Variants in RANBP2 observed in about 807,000 individuals in gnomAD.
RANBP2 encodes the protein RAN binding protein 2.
Under a neutral mutation model 303.6 loss-of-function variants are expected in RANBP2, and 57 were observed. The ratio of observed to expected loss-of-function variants is 0.19; its 90% confidence interval spans 0.15 to 0.23. The LOEUF (loss-of-function observed/expected upper bound fraction) is 0.23, where lower values mean the gene tolerates loss of function less well. RANBP2 is among the 10% of genes least tolerant of loss of function. The pLI, the probability that RANBP2 is intolerant of heterozygous loss-of-function variation, is 1.00. For synonymous variants in RANBP2, 1,167 were observed against 1,301.5 expected (o/e 0.90, Z 2.23); for missense variants, 3,138 against 3,780.8 (o/e 0.83, Z 4.46).
chr2:109,431,511 A>T, the RANBP2 span, among the ~76,000 whole-genome samples: 2 of 152,222 alleles, frequency 1.3e-5, no homozygotes, highest in African/African-American at 4.8e-5. Context: ...AGCTTGGCCC[A>T]TGGGCTGAGT....
chr2:109,434,434 T>A, the RANBP2 span, among the ~76,000 whole-genome samples: 1 of 152,196 alleles, frequency 6.6e-6, no homozygotes, highest in South Asian at 2.1e-4. Flanking sequence ...AAGCCTGCGG[T>A]TGAAATCCAG....
the RANBP2 span, among the ~76,000 whole-genome samples, chr2:109,332,092 G>A: frequency 6.6e-6 from 1 of 152,188 alleles, no homozygotes; most frequent in Non-Finnish European, 1.5e-5. Flanking sequence ...TCTTTTGGGT[G>A]CTTCTGTTTA....
At chr2:109,307,961 A>G in the RANBP2 span, among the ~76,000 whole-genome samples, 1 of 136,802 alleles carries the variant, frequency 7.3e-6, no homozygotes, top group African/African-American at 3.1e-5. Context: ...GCTGGGTCAA[A>G]TGGTATTTCT....
At chr2:109,228,682 A>G in the RANBP2 span, among the ~76,000 whole-genome samples, 1 of 152,150 alleles carries the variant, frequency 6.6e-6, no homozygotes, top group Non-Finnish European at 1.5e-5. Context: ...AGTGGAGGGC[A>G]TGATAAAAGA....
At chr2:108,819,523 G>A in the RANBP2 span, among the ~76,000 whole-genome samples, 121,240 of 152,110 alleles carry the variant, frequency 0.8, 48,647 homozygotes, top group East Asian at 0.95. Flanking sequence ...CACTTCTGCT[G>A]GAAGAGGTCT....
At chr2:109,689,911 C>T in the RANBP2 span, among the ~76,000 whole-genome samples, 33 of 152,326 alleles carry the variant, frequency 2.2e-4, no homozygotes, top group African/African-American at 7.5e-4. Flanking sequence ...TGTGTTCACT[C>T]TCTCTCCTTA....
At chr2:109,540,001 G>C in the RANBP2 span, among the ~76,000 whole-genome samples, 1 of 152,084 alleles carries the variant, frequency 6.6e-6, no homozygotes, top group African/African-American at 2.4e-5. Context: ...GACAGGTCCT[G>C]GTGGGACATG....
chr2:109,278,351 G>T, the RANBP2 span, among the ~76,000 whole-genome samples: 1 of 152,156 alleles, frequency 6.6e-6, no homozygotes, highest in Non-Finnish European at 1.5e-5. Context: ...GGGCCCAGGG[G>T]CATCCCAGTG....
At chr2:109,311,244 CAT>C in the RANBP2 span, among the ~76,000 whole-genome samples, 82 of 40,480 alleles carry the variant, frequency 2.0e-3, 1 homozygote, top group Non-Finnish European at 2.9e-3. Flanking sequence ...ACAAAAACCA[CAT>C]GATTATCTCA....
Position 108,733,496 on chromosome 2 carries a change from A to G in RANBP2, c.405+2022A>G, listed in dbSNP as rs533294344. Among the ~76,000 whole-genome samples the G allele has an allele frequency of 7.6e-4, 116 of 152,282 alleles. 1 individual carries two copies. The highest frequency in any genetic ancestry group is 2.6e-3 in the African/African-American group (108 of 41,548). The stretch of plus-strand genomic sequence containing the variant: ...AGGTTTTGGCTATTGTTCAGCTGCT[A>G]TGAACAATCAAGTACAGATTTTTGA... On this transcript the variant is annotated intron_variant, in intron 4 of 28. Transcript: ENST00000283195.
chr2:108,972,808 G>A, the RANBP2 span, among the ~76,000 whole-genome samples: 2 of 152,156 alleles, frequency 1.3e-5, no homozygotes, highest in Admixed American at 6.5e-5. Flanking sequence ...CGGCAGGGGC[G>A]TTCACTCTTC....
chr2:109,389,361 G>A, the RANBP2 span, among the ~76,000 whole-genome samples: 39 of 152,312 alleles, frequency 2.6e-4, no homozygotes, highest in African/African-American at 8.9e-4. Flanking sequence ...CCTGGGTGCC[G>A]ACAGCTTTCT....
At chr2:108,990,362 C>T in the RANBP2 span, among the ~76,000 whole-genome samples, 1 of 142,774 alleles carries the variant, frequency 7.0e-6, no homozygotes, top group Non-Finnish European at 1.5e-5. Context: ...ACCCGGGAAG[C>T]GGAGCTTGCA....
the RANBP2 span, chr2:109,733,037 A>T: frequency 3.5e-6 from 2 of 568,274 alleles, no homozygotes; most frequent in African/African-American, 3.8e-5. Context: ...ACCTCGTCGC[A>T]GACCTCCAAG....
At chr2:109,056,200 C>T in the RANBP2 span, among the ~76,000 whole-genome samples, 1 of 149,816 alleles carries the variant, frequency 6.7e-6, no homozygotes, top group Admixed American at 6.6e-5. Context: ...GTCTTGTTCT[C>T]TTCACCCAGG....
At chr2:109,066,096 C>T in the RANBP2 span, among the ~76,000 whole-genome samples, 2 of 151,922 alleles carry the variant, frequency 1.3e-5, no homozygotes, top group Non-Finnish European at 2.9e-5. Context: ...CGCCACCATG[C>T]CCGGCTAATT....
At chr2:108,755,469 T>C (rs746971244) in intron 17 of RANBP2, among the ~76,000 whole-genome samples, 9 of 151,962 alleles carry the variant, frequency 5.9e-5, no homozygotes, top group Middle Eastern at 3.4e-3. Flanking sequence ...CAGCTTACTG[T>C]GGCTTCGACC....
chr2:109,499,830 C>G, the RANBP2 span, among the ~76,000 whole-genome samples: 1 of 152,136 alleles, frequency 6.6e-6, no homozygotes, highest in Non-Finnish European at 1.5e-5. Flanking sequence ...AGTAGTCAGA[C>G]AGGTTTTAAT....
chr2:109,241,479 A>C, the RANBP2 span, among the ~76,000 whole-genome samples: 2 of 152,148 alleles, frequency 1.3e-5, no homozygotes, highest in Admixed American at 6.5e-5. Flanking sequence ...TATCTTTTGA[A>C]ATTTCCTACA....
Sources: allele counts gnomAD v4.1 joint callset (sites outside exome capture counted in the v4.1 genomes callset), GRCh38; gene constraint gnomAD v4.1.1; transcripts MANE v1.5; gene names NCBI Gene and HGNC (gene_info 2026-07-23, HGNC 2026-07-21).